The following MTF1 variants were observed in gnomAD, a reference collection of about 807,000 sequenced individuals.
MTF1 encodes the protein metal regulatory transcription factor 1.
In MTF1, 22 loss-of-function variants were observed where a neutral mutation model predicts 70.4. That is an observed-to-expected ratio of 0.31 (90% confidence interval 0.22 to 0.45). The LOEUF (loss-of-function observed/expected upper bound fraction) is 0.45, where lower values mean the gene tolerates loss of function less well. Among genes scored for constraint, MTF1 ranks in the 20% least tolerant of loss-of-function variants. The pLI, the probability that MTF1 is intolerant of heterozygous loss-of-function variation, is 1.00. For missense variants in MTF1, 649 were observed against 922.0 expected (o/e 0.70, Z 3.83); for synonymous variants, 333 against 352.8 (o/e 0.94, Z 0.63).
intron 9 of MTF1, among the ~76,000 whole-genome samples, chr1:37,820,092 G>C (rs1249536570): frequency 6.6e-6 from 1 of 151,998 alleles, no homozygotes; most frequent in African/African-American, 2.4e-5. Flanking sequence ...GAGGCGGGCT[G>C]GGTCACAATA....
Position 37,822,651 on chromosome 1 carries a change from T to C in MTF1, c.1237A>G (p.Asn413Asp). 6.2e-7 allele frequency: 1 copy of C among 1,613,894 alleles called. No individual in the cohort carries two copies. Among genetic ancestry groups the C allele is most frequent in the Admixed American group, 1.7e-5 (1 of 60,012 alleles). Residue 413 changes from asparagine (N) to aspartate (D), a missense_variant, in exon 9 of 11, where the codon AAT (asparagine) becomes GAT (aspartate). Asn to Asp is a conservative substitution (Grantham distance 23). Coordinates refer to ENST00000373036, the MANE Select transcript of MTF1 (RefSeq NM_005955.3). ...AGTGGAAGAGATAAAGATGCTGAAT[T>C]TCCTGTGGATGGCGGAACATCACTG... ...SVSDVPPSTG[N>D]SASLSLPLVL...
chr1:37,850,240 C>CAAAAAA (rs5773605), intron 2 of MTF1, among the ~76,000 whole-genome samples: 8 of 66,324 alleles, frequency 1.2e-4, no homozygotes, highest in Admixed American at 2.1e-4. Flanking sequence ...CTGTCTCAAC[C>CAAAAAA]AAAAAAAAAA....
intron 7 of MTF1, among the ~76,000 whole-genome samples, chr1:37,827,389 G>A (rs917291309): frequency 3.3e-5 from 5 of 150,498 alleles, no homozygotes; most frequent in Admixed American, 6.6e-5. Context: ...ACAGAGTCTC[G>A]CTCTGTTGCC....
At chr1:37,825,815 T>TA (rs1349976352) in intron 7 of MTF1, among the ~76,000 whole-genome samples, 1 of 152,178 alleles carries the variant, frequency 6.6e-6, no homozygotes, top group African/African-American at 2.4e-5. Flanking sequence ...CTTAACATTT[T>TA]TTTTTTTCTA....
intron 9 of MTF1, among the ~76,000 whole-genome samples, chr1:37,821,153 G>T (rs1322018217): frequency 2.0e-5 from 3 of 151,092 alleles, no homozygotes; most frequent in Non-Finnish European, 3.0e-5. Flanking sequence ...TCTAGCCTGG[G>T]TGACAGAGCC....
intron 4 of MTF1, among the ~76,000 whole-genome samples, chr1:37,837,492 T>C (rs1287176338): frequency 6.6e-6 from 1 of 151,978 alleles, no homozygotes; most frequent in Admixed American, 6.6e-5. Context: ...TTCAAATACA[T>C]TGTTTATTTT....
At position 37,840,138 on chromosome 1, in the gene MTF1, G is replaced by A. The variant is rs984598593; in HGVS notation, c.429C>T (p.Thr143=). Residue 143 remains threonine (T), a synonymous_variant, in exon 3 of 11, where the codon ACC becomes ACT. Transcript: ENST00000373036. The surrounding 1 kb of genome is among the most constrained non-coding windows in gnomAD (Gnocchi z 4.5). The part of the protein sequence containing the change: ...KRKEVKRYQC[T]FEGCPRTYST... ...TGTAGGTGCGGGGACAGCCCTCAAA[G>A]GTACATTGGTACCGCTTTACCTGGC... 1 of 1,614,104 alleles carries A rather than the reference G, an allele frequency of 6.2e-7. No individual in the cohort carries two copies. The highest frequency in any genetic ancestry group is 8.5e-7 in the Non-Finnish European group (1 of 1,180,042).
At chr1:37,831,013 C>T (rs1168073498) in intron 7 of MTF1, among the ~76,000 whole-genome samples, 2 of 152,174 alleles carry the variant, frequency 1.3e-5, no homozygotes, top group African/African-American at 4.8e-5. Context: ...GTTTGGCTGC[C>T]TCGTTGGGTG....
At chr1:37,850,240 C>CAAAAAAAAA (rs5773605) in intron 2 of MTF1, among the ~76,000 whole-genome samples, 10 of 66,326 alleles carry the variant, frequency 1.5e-4, no homozygotes, top group Non-Finnish European at 2.3e-4. Flanking sequence ...CTGTCTCAAC[C>CAAAAAAAAA]AAAAAAAAAA....
chr1:37,821,860 A>C (rs1055267161), intron 9 of MTF1, among the ~76,000 whole-genome samples: 7 of 152,138 alleles, frequency 4.6e-5, no homozygotes, highest in Admixed American at 4.6e-4. Context: ...TGATGTGATT[A>C]GATTCCAGTA....
chr1:37,829,564 C>T (rs1235898241), intron 7 of MTF1, among the ~76,000 whole-genome samples: 1 of 151,868 alleles, frequency 6.6e-6, no homozygotes, highest in Non-Finnish European at 1.5e-5. Context: ...GGGCGGATCA[C>T]GAGGTCAGGA....
intron 2 of MTF1, among the ~76,000 whole-genome samples, chr1:37,847,031 A>G (rs186602372): frequency 2.6e-5 from 4 of 152,292 alleles, no homozygotes; most frequent in Admixed American, 2.6e-4. Context: ...CGGCACTGGT[A>G]TCATTTCTTC....
At chr1:37,826,511 C>G in intron 7 of MTF1, 1 of 443,212 alleles carries the variant, frequency 2.3e-6, no homozygotes, top group South Asian at 1.6e-5. Flanking sequence ...GTCTTGAACT[C>G]CTGGCCTCAA....
chr1:37,850,756 G>C (rs912329399), intron 2 of MTF1, among the ~76,000 whole-genome samples: 2 of 152,054 alleles, frequency 1.3e-5, no homozygotes, highest in South Asian at 4.1e-4. Flanking sequence ...ATGAAGAAAA[G>C]AAAATGAAGT....
Position 37,840,407 on chromosome 1 carries a change from A to G in MTF1, c.409-249T>C, listed in dbSNP as rs1641238026. The G allele has an allele frequency of 1.1e-5, 6 of 559,854 alleles. No homozygotes were observed. The Admixed American group carries it at 1.6e-4, about 15-fold the overall frequency. The allele number at this position is 559,854 out of a possible 1,614,324, so 34.7% of individuals were successfully genotyped here. On this transcript the variant is annotated intron_variant, in intron 2 of 10. Coordinates refer to ENST00000373036, the MANE Select transcript of MTF1 (RefSeq NM_005955.3). This position sits in a 1 kb window ranked among gnomAD's most constrained non-coding sequence, Gnocchi z 4.5. ...TAGATGAATATTCTAAATGAACATA[A>G]GAATGTTTTCAGACTCTATATACAT...
rs1200130288 is a variant in MTF1, at chr1:37,810,504, C to T, written c.*4632G>A. The T allele has an allele frequency of 2.0e-5, 3 of 152,192 alleles. No individual in the cohort carries two copies. Among genetic ancestry groups the T allele is most frequent in the Admixed American group, 6.5e-5 (1 of 15,280 alleles). 9.4% of individuals were successfully genotyped at this position (152,192 alleles called of 1,614,324 possible). A position where few individuals can be genotyped will look rare whatever the true frequency, so the allele number is the denominator to read the frequency against. On this transcript the variant is annotated 3_prime_UTR_variant, in exon 11 of 11. Coordinates refer to ENST00000373036, the MANE Select transcript of MTF1 (RefSeq NM_005955.3). ...GTAACAGTGAGAAATGCCCAGTGGT[C>T]GTCGGCTTCCCCAAAGGGCATCAGA... is the stretch of plus-strand genomic sequence containing the variant.
Position 37,822,165 on chromosome 1 carries a change from T to C in MTF1, c.1723A>G (p.Ile575Val), listed in dbSNP as rs142926346. 7.7e-4 allele frequency: 1,239 copies of C among 1,612,488 alleles called. 9 individuals carry two copies. The highest frequency in any genetic ancestry group is 1.9e-4 in the Non-Finnish European group (229 of 1,179,090). The change falls in exon 9 of 11, where the codon ATA (isoleucine) becomes GTA (valine). Residue 575 changes from isoleucine to valine, a missense_variant. Physicochemically the swap from Ile to Val is conservative, Grantham distance 29. Around this residue, in one of 7 missense-constraint regions of MTF1, gnomAD observed 39 missense variants for 97.8 expected, o/e 0.40. Coordinates refer to ENST00000373036, the MANE Select transcript of MTF1 (RefSeq NM_005955.3). ...GGAGAACTGGTGGCACCATTTAATA[T>C]CCATTGTAAGTTCTGTTCTCCCATG... Reference protein sequence around the residue: ...LVMGEQNLQWILNGATSSPQN... With the variant: ...LVMGEQNLQWVLNGATSSPQN...
chr1:37,840,144 T>C lies in MTF1; in HGVS notation c.423A>G (p.Gln141=), dbSNP rs780433115. The change falls in exon 3 of 11, where the codon CAA becomes CAG. Residue 141 remains glutamine (Q), a synonymous_variant. Transcript: ENST00000373036. This position sits in a 1 kb window ranked among gnomAD's most constrained non-coding sequence, Gnocchi z 4.5. ...ETKRKEVKRY[Q]CTFEGCPRTY... ...TGCGGGGACAGCCCTCAAAGGTACA[T>C]TGGTACCGCTTTACCTGGCAGAGAA... is the stretch of plus-strand genomic sequence containing the variant. 14 of 1,613,966 alleles carry C rather than the reference T, an allele frequency of 8.7e-6. No homozygotes were observed. The highest frequency in any genetic ancestry group is 1.3e-5 in the African/African-American group (1 of 74,938).
chr1:37,858,135 G>A (rs1406873630), intron 1 of MTF1, among the ~76,000 whole-genome samples: 1 of 152,142 alleles, frequency 6.6e-6, no homozygotes, highest in Non-Finnish European at 1.5e-5. Flanking sequence ...TATTTAAAGG[G>A]GACAAAAGAG....
Sources: allele counts gnomAD v4.1 joint callset (sites outside exome capture counted in the v4.1 genomes callset), GRCh38; gene constraint gnomAD v4.1.1; regional missense constraint gnomAD v4.1.1; non-coding constraint Gnocchi (gnomAD v3.1); transcripts MANE v1.5; gene names NCBI Gene and HGNC (gene_info 2026-07-23, HGNC 2026-07-21).